Variants in CTDSP2 observed in about 807,000 individuals in gnomAD.
CTDSP2 encodes the protein carboxy-terminal domain RNA polymerase II polypeptide A small phosphatase 2.
CTDSP2 carries 9 observed loss-of-function variants against 31.6 expected under a neutral mutation model. The observed-to-expected ratio is 0.28, with a 90% confidence interval of 0.17 to 0.50. The LOEUF is 0.50. Ranked by LOEUF, CTDSP2 falls within the 20% of genes least tolerant of loss-of-function variation. The pLI is 0.98. For missense variants in CTDSP2, 267 were observed against 348.5 expected (o/e 0.77, Z 1.86); for synonymous variants, 134 against 134.5 (o/e 1.00, Z 0.03).
chr12:57,826,965 A>T, intron 4 of CTDSP2, 31 bp downstream of exon 4: 1 of 1,514,956 alleles, frequency 6.6e-7, no homozygotes, highest in African/African-American at 1.4e-5. Flanking sequence ...GCCCAAGATA[A>T]AGGTAGGAAG....
Position 57,827,035 on chromosome 12 carries a change from G to A in CTDSP2, c.315C>T (p.Val105=), listed in dbSNP as rs997276706. 2.5e-6 allele frequency: 4 copies of A among 1,613,740 alleles called. No homozygotes were observed. In the African/African-American group the frequency reaches 4.0e-5, roughly 16 times the overall value. ...GCACAAGGGTTTCATCGAGGTCAATGACCACACAGATCCTTCCTTGATCTT... is the reference window on the plus strand; with the variant it reads ...GCACAAGGGTTTCATCGAGGTCAATAACCACACAGATCCTTCCTTGATCTT... ...TEEDQGRICV[V]IDLDETLVHS... is the part of the protein sequence containing the mutation. The change falls in exon 4 of 8, where the codon GTC becomes GTT. Residue 105 remains valine, a synonymous_variant. Coordinates refer to ENST00000398073, the MANE Select transcript of CTDSP2 (RefSeq NM_005730.4).
rs553421800 is a variant in CTDSP2, at chr12:57,843,081, G to A, written c.64+3291C>T. On this transcript the variant is annotated intron_variant, in intron 1 of 7. Coordinates refer to ENST00000398073, the MANE Select transcript of CTDSP2 (RefSeq NM_005730.4). Reference sequence around the variant, plus strand: ...TCCAGGGCATCATCGAGAGGAAGGGGCATCAGGATTCATGGACAACAAAAA... The same window carrying A: ...TCCAGGGCATCATCGAGAGGAAGGGACATCAGGATTCATGGACAACAAAAA... Among the ~76,000 whole-genome samples the A allele has an allele frequency of 3.9e-5, 6 of 152,214 alleles. 1 individual carries two copies. The highest frequency in any genetic ancestry group is 3.9e-4 in the Admixed American group (6 of 15,296).
At chr12:57,844,676 A>G (rs1289413509) in intron 1 of CTDSP2, among the ~76,000 whole-genome samples, 1 of 152,026 alleles carries the variant, frequency 6.6e-6, no homozygotes, top group Admixed American at 6.5e-5. Context: ...TTCCTTTTTC[A>G]GCCATCAGCA....
chr12:57,834,358 C>G (rs185791803), intron 1 of CTDSP2, among the ~76,000 whole-genome samples: 2 of 152,218 alleles, frequency 1.3e-5, no homozygotes, highest in East Asian at 3.9e-4. Context: ...TGGTAAAGGA[C>G]CAGTCTGGGG....
chr12:57,844,916 C>CT (rs1193847800), intron 1 of CTDSP2, among the ~76,000 whole-genome samples: 1 of 148,034 alleles, frequency 6.8e-6, no homozygotes, highest in Non-Finnish European at 1.5e-5. Context: ...CCCTTCCCCC[C>CT]TCCCAGCTCC....
At position 57,821,153 on chromosome 12, in the gene CTDSP2, A is replaced by C. The variant is rs1246695137; in HGVS notation, c.*2449T>G. ...CGGTGAAACTGGAAACCCGACAGCAAATAATGACTAGGCTGGCTCTGGTCC... is the reference window on the plus strand; with the variant it reads ...CGGTGAAACTGGAAACCCGACAGCACATAATGACTAGGCTGGCTCTGGTCC... On this transcript the variant is annotated 3_prime_UTR_variant, in exon 8 of 8. Coordinates refer to ENST00000398073, the MANE Select transcript of CTDSP2 (RefSeq NM_005730.4). 1 of 152,258 alleles carries C rather than the reference A, an allele frequency of 6.6e-6. No individual in the cohort carries two copies. The highest frequency in any genetic ancestry group is 2.4e-5 in the African/African-American group (1 of 41,458). 9.4% of individuals were successfully genotyped at this position (152,258 alleles called of 1,614,324 possible).
At chr12:57,828,890 A>AT (rs1337185356) in intron 2 of CTDSP2, among the ~76,000 whole-genome samples, 17 of 152,252 alleles carry the variant, frequency 1.1e-4, no homozygotes, top group African/African-American at 3.9e-4. Context: ...AATGCCTTGC[A>AT]TGAGTATGGG....
At chr12:57,824,755 T>C (rs1260597752) in intron 5 of CTDSP2, 3 of 506,308 alleles carry the variant, frequency 5.9e-6, no homozygotes, top group Non-Finnish European at 1.2e-5. Flanking sequence ...GATTAGGTAA[T>C]GAATTGCACC....
intron 1 of CTDSP2, among the ~76,000 whole-genome samples, chr12:57,832,747 G>A (rs1043613034): frequency 1.6e-5 from 2 of 128,034 alleles, no homozygotes; most frequent in Admixed American, 1.0e-4. Context: ...AGCTGAGATC[G>A]GGCCACTGCA....
At chr12:57,832,557 C>T (rs1456908721) in intron 1 of CTDSP2, among the ~76,000 whole-genome samples, 16 of 151,784 alleles carry the variant, frequency 1.1e-4, no homozygotes, top group Admixed American at 8.5e-4. Flanking sequence ...CTTGGAAGGC[C>T]GAGGTGGGCG....
At position 57,820,352 on chromosome 12, in the gene CTDSP2, G is replaced by C. The variant is rs1002089356; in HGVS notation, c.*3250C>G. 5 of 152,230 alleles carry C rather than the reference G, an allele frequency of 3.3e-5. No homozygotes were observed. The highest frequency in any genetic ancestry group is 7.3e-5 in the Non-Finnish European group (5 of 68,054). The allele number at this position is 152,230 out of a possible 1,614,324, so 9.4% of individuals were successfully genotyped here. On this transcript the variant is annotated 3_prime_UTR_variant, in exon 8 of 8. Coordinates refer to ENST00000398073, the MANE Select transcript of CTDSP2 (RefSeq NM_005730.4). The stretch of plus-strand genomic sequence containing the variant: ...CAGAACTAAACCCGTTTAGGAAAAA[G>C]GGACCGAGGGACAGCAGTGGTTAAG...
intron 5 of CTDSP2, among the ~76,000 whole-genome samples, chr12:57,825,868 G>A (rs922735383): frequency 1.3e-5 from 2 of 152,140 alleles, no homozygotes; most frequent in African/African-American, 2.4e-5. Flanking sequence ...AGTGGGGGTG[G>A]CAGGGGGAGC....
chr12:57,838,638 G>A (rs532345693), intron 1 of CTDSP2, among the ~76,000 whole-genome samples: 10 of 152,340 alleles, frequency 6.6e-5, no homozygotes, highest in Admixed American at 4.6e-4. Context: ...GCTGGAGAAA[G>A]CAGTGAGGAC....
Position 57,829,601 on chromosome 12 carries a change from G to A in CTDSP2, c.65-5C>T. 6.2e-7 allele frequency: 1 copy of A among 1,613,220 alleles called. No homozygotes were observed. The highest frequency in any genetic ancestry group is 1.7e-5 in the Admixed American group (1 of 60,002). ...GAGAGGACTTGGAGACCAGGCCTAG[G>A]GTGGAGAGAATGACAGAGGCTTTAG... is the stretch of plus-strand genomic sequence containing the variant. On this transcript the variant is annotated splice_polypyrimidine_tract_variant and splice_region_variant and intron_variant, in intron 1 of 7. Coordinates refer to ENST00000398073, the MANE Select transcript of CTDSP2 (RefSeq NM_005730.4).
intron 1 of CTDSP2, among the ~76,000 whole-genome samples, chr12:57,830,697 A>G (rs1404541162): frequency 1.3e-5 from 2 of 152,200 alleles, no homozygotes; most frequent in Admixed American, 6.5e-5. Context: ...GCAGCTGCTT[A>G]GTCCTACCTT....
intron 1 of CTDSP2, among the ~76,000 whole-genome samples, chr12:57,839,156 G>A (rs12305031): frequency 0.094 from 14,345 of 152,132 alleles, 903 homozygotes; most frequent in Middle Eastern, 0.22. Flanking sequence ...GGGACATTCT[G>A]CTGCTCCCCC....
At chr12:57,837,349 A>G (rs1298312070) in intron 1 of CTDSP2, 1 of 152,248 alleles carries the variant, frequency 6.6e-6, no homozygotes, top group African/African-American at 2.4e-5. Flanking sequence ...CAAGCAAGGC[A>G]GGGCCGGACC....
rs12822897 is a variant in CTDSP2, at chr12:57,823,925, G to A, written c.669C>T (p.Tyr223=). 11,609 of 1,614,088 alleles carry A rather than the reference G, an allele frequency of 7.2e-3. 62 individuals carry two copies. Among genetic ancestry groups the A allele is most frequent in the Non-Finnish European group, 8.2e-3 (9,676 of 1,180,002 alleles). Residue 223 remains tyrosine (Y), a synonymous_variant, in exon 7 of 8, where the codon TAC becomes TAT. Coordinates refer to ENST00000398073, the MANE Select transcript of CTDSP2 (RefSeq NM_005730.4). ...TCACTGCATTCTCGGGGTGGAATATGTAAGAAGCAGGCGAGTTGTCCAGGA... is the reference window on the plus strand; with the variant it reads ...TCACTGCATTCTCGGGGTGGAATATATAAGAAGCAGGCGAGTTGTCCAGGA... ...TLILDNSPAS[Y]IFHPENAVPV... is the part of the protein sequence containing the mutation.
At chr12:57,833,066 CAG>C (rs749536808) in intron 1 of CTDSP2, among the ~76,000 whole-genome samples, 6 of 152,138 alleles carry the variant, frequency 3.9e-5, no homozygotes, top group African/African-American at 1.4e-4. Flanking sequence ...AACCCGGGCA[CAG>C]AGTCTTTTTT....
Sources: allele counts gnomAD v4.1 joint callset (sites outside exome capture counted in the v4.1 genomes callset), GRCh38; gene constraint gnomAD v4.1.1; transcripts MANE v1.5; gene names NCBI Gene and HGNC (gene_info 2026-07-23, HGNC 2026-07-21).